Variants in CCDC73 observed in about 807,000 individuals in gnomAD.
CCDC73 encodes coiled-coil domain containing 73.
CCDC73 carries 95 observed loss-of-function variants against 116.5 expected under a neutral mutation model. The ratio of observed to expected loss-of-function variants is 0.82; its 90% CI spans 0.69 to 0.97. CCDC73 has a LOEUF of 0.97. CCDC73 is among the 50% of genes least tolerant of loss of function. CCDC73 has a pLI of 0.00. For synonymous variants in CCDC73, 398 were observed against 401.3 expected (o/e 0.99, Z 0.10); for missense variants, 1,066 against 1,206.8 (o/e 0.88, Z 1.73).
chr11:32,677,831 A>T (rs1856102875), intron 7 of CCDC73, among the ~76,000 whole-genome samples: 2 of 151,774 alleles, frequency 1.3e-5, no homozygotes, highest in Admixed American at 6.6e-5. Context: ...GCGCGCCTGT[A>T]ATCCCAGCTA....
At chr11:32,625,171 G>T (rs1162577090) in intron 14 of CCDC73, among the ~76,000 whole-genome samples, 1 of 152,134 alleles carries the variant, frequency 6.6e-6, no homozygotes, top group African/African-American at 2.4e-5. Flanking sequence ...GCCTATGTGT[G>T]TCTCTGCACG....
chr11:32,630,843 G>A (rs536036632), intron 14 of CCDC73, among the ~76,000 whole-genome samples: 1 of 152,008 alleles, frequency 6.6e-6, no homozygotes, highest in Admixed American at 6.5e-5. Context: ...ATAAGAAAAG[G>A]AAATATGACT....
chr11:32,635,997 C>A (rs1255076504), intron 13 of CCDC73, among the ~76,000 whole-genome samples, 167 bp from the exon 14 acceptor site: 1 of 152,058 alleles, frequency 6.6e-6, no homozygotes, highest in Non-Finnish European at 1.5e-5. Context: ...GGGCTGACTA[C>A]TTAATAAGCA....
At chr11:32,758,656 AC>A (rs985804952) in intron 2 of CCDC73, 7 of 279,804 alleles carry the variant, frequency 2.5e-5, no homozygotes, top group South Asian at 1.4e-4. Context: ...GAAAAAAAAA[AC>A]GCTATTCCTT....
At chr11:32,663,071 T>C (rs1468693463) in intron 9 of CCDC73, among the ~76,000 whole-genome samples, 3 of 152,208 alleles carry the variant, frequency 2.0e-5, no homozygotes, top group Admixed American at 1.3e-4. Flanking sequence ...ACCAGTACCA[T>C]GCTGTTTTGG....
chr11:32,762,676 C>T (rs931650045), intron 1 of CCDC73, among the ~76,000 whole-genome samples: 7 of 152,054 alleles, frequency 4.6e-5, no homozygotes, highest in African/African-American at 1.7e-4. Flanking sequence ...TCTACAGCTC[C>T]CAGCATGAGC....
the CCDC73 span, among the ~76,000 whole-genome samples, chr11:32,811,278 T>C: frequency 6.6e-6 from 1 of 152,218 alleles, no homozygotes; most frequent in Non-Finnish European, 1.5e-5. Context: ...TATCATTTCT[T>C]TGCTTATCCT....
chr11:32,690,491 C>T (rs920372424), intron 6 of CCDC73, among the ~76,000 whole-genome samples: 2 of 152,158 alleles, frequency 1.3e-5, no homozygotes, highest in South Asian at 2.1e-4. Flanking sequence ...GTAATCCCCA[C>T]GTTGTTGGAG....
intron 1 of CCDC73, among the ~76,000 whole-genome samples, chr11:32,791,731 T>C (rs1292795348): frequency 6.6e-6 from 1 of 152,128 alleles, no homozygotes; most frequent in Non-Finnish European, 1.5e-5. Flanking sequence ...GGCAGTGCAA[T>C]TGCTCGAGCT....
At chr11:32,631,652 G>GA (rs1318368468) in intron 14 of CCDC73, among the ~76,000 whole-genome samples, 14 of 151,494 alleles carry the variant, frequency 9.2e-5, no homozygotes, top group African/African-American at 1.5e-4. Flanking sequence ...GAAAGGAAAG[G>GA]AAGGAAAGGA....
At chr11:32,662,709 A>G (rs1855942505) in intron 9 of CCDC73, among the ~76,000 whole-genome samples, 1 of 152,108 alleles carries the variant, frequency 6.6e-6, no homozygotes, top group Non-Finnish European at 1.5e-5. Flanking sequence ...CCAATTGTCA[A>G]TGTTGGCTTT....
At chr11:32,802,461 TTGC>T in the CCDC73 span, among the ~76,000 whole-genome samples, 1 of 152,202 alleles carries the variant, frequency 6.6e-6, no homozygotes, top group Non-Finnish European at 1.5e-5. Context: ...TGACACCATT[TTGC>T]TAAGATTGTA....
intron 14 of CCDC73, among the ~76,000 whole-genome samples, chr11:32,630,542 C>A (rs1855622644): frequency 6.6e-6 from 1 of 152,112 alleles, no homozygotes; most frequent in African/African-American, 2.4e-5. Flanking sequence ...GGGGTTTCAC[C>A]ATGTTGGTCA....
chr11:32,806,711 A>G, the CCDC73 span, among the ~76,000 whole-genome samples: 18 of 152,172 alleles, frequency 1.2e-4, no homozygotes, highest in Admixed American at 2.6e-4. Flanking sequence ...TAGCCTCCCC[A>G]GGTCCAAATC....
intron 3 of CCDC73, among the ~76,000 whole-genome samples, chr11:32,711,800 G>A (rs1377500711): frequency 6.6e-6 from 1 of 151,962 alleles, no homozygotes; most frequent in African/African-American, 2.4e-5. Context: ...CCCCTTTCTG[G>A]GTCTTCCGAT....
chr11:32,654,507 T>C (rs1390536493), intron 10 of CCDC73, among the ~76,000 whole-genome samples: 4 of 152,214 alleles, frequency 2.6e-5, no homozygotes, highest in African/African-American at 9.6e-5. Context: ...GTTTAAACAG[T>C]GACTTCAGTG....
chr11:32,760,013 A>C, intron 2 of CCDC73, 96 bp downstream of exon 2: 1 of 978,652 alleles, frequency 1.0e-6, no homozygotes, highest in Non-Finnish European at 1.6e-6. Context: ...TTTCTAAACA[A>C]GAGGGATTTT....
chr11:32,766,736 T>C (rs1829054211), intron 1 of CCDC73, among the ~76,000 whole-genome samples: 1 of 152,078 alleles, frequency 6.6e-6, no homozygotes, highest in Non-Finnish European at 1.5e-5. Context: ...TCAAAGAGAA[T>C]AAAATACCTA....
At chr11:32,649,659 C>A (rs1462323512) in intron 12 of CCDC73, among the ~76,000 whole-genome samples, 1 of 152,116 alleles carries the variant, frequency 6.6e-6, no homozygotes, top group African/African-American at 2.4e-5. Context: ...TCTCAGATAC[C>A]AGTCTGCAGA....
Sources: allele counts gnomAD v4.1 joint callset (sites outside exome capture counted in the v4.1 genomes callset), GRCh38; gene constraint gnomAD v4.1.1; transcripts MANE v1.5; gene names NCBI Gene and HGNC (gene_info 2026-07-23, HGNC 2026-07-21).